The following LRPPRC variants were observed in gnomAD, a reference collection of about 807,000 sequenced individuals.
The protein encoded by LRPPRC is leucine-rich PPR motif-containing protein, mitochondrial.
LRPPRC carries 120 observed loss-of-function variants against 180.3 expected under a neutral mutation model. The ratio of observed to expected loss-of-function variants is 0.67; its 90% CI spans 0.57 to 0.77. The LOEUF (loss-of-function observed/expected upper bound fraction) is 0.77, where lower values mean the gene tolerates loss of function less well. Among genes scored for constraint, LRPPRC ranks in the 30% least tolerant of loss-of-function variants. LRPPRC has a pLI of 0.00. For synonymous variants in LRPPRC, 723 were observed against 600.0 expected (o/e 1.21, Z -3.00); for missense variants, 2,012 against 1,657.2 (o/e 1.21, Z -3.72).
intron 1 of LRPPRC, among the ~76,000 whole-genome samples, chr2:43,987,850 G>A (rs1674596436): frequency 6.6e-6 from 1 of 151,962 alleles, no homozygotes; most frequent in African/African-American, 2.4e-5. Context: ...TTTACTGAGT[G>A]CTTTCTATGT....
At chr2:43,909,611 T>TTAATAA (rs10542740) in intron 30 of LRPPRC, among the ~76,000 whole-genome samples, 1,673 of 143,702 alleles carry the variant, frequency 0.012, 21 homozygotes, top group African/African-American at 0.032. Flanking sequence ...AAAAACCCAA[T>TTAATAA]TAATAATAAT....
chr2:43,965,908 T>C (rs968826274), intron 11 of LRPPRC, among the ~76,000 whole-genome samples: 3 of 152,172 alleles, frequency 2.0e-5, no homozygotes, highest in Admixed American at 1.3e-4. Flanking sequence ...TGGTCTACTG[T>C]TGGTGGGAGA....
chr2:43,947,986 G>A, intron 18 of LRPPRC, 136 bp downstream of exon 18: 3 of 683,484 alleles, frequency 4.4e-6, no homozygotes, highest in Non-Finnish European at 7.8e-6. Flanking sequence ...AACAATCAAT[G>A]AAAAGCTTCG....
rs1475307905 is a variant in LRPPRC at position 43,886,963 on chromosome 2, AAC to A, written c.*1635_*1636del. 1 of 151,982 alleles carries A rather than the reference AAC, an allele frequency of 6.6e-6. No homozygotes were observed. Among genetic ancestry groups the A allele is most frequent in the Non-Finnish European group, 1.5e-5 (1 of 68,026 alleles). 9.4% of individuals were successfully genotyped at this position (151,982 alleles called of 1,614,324 possible). On this transcript the variant is annotated 3_prime_UTR_variant, in exon 38 of 38. Transcript: ENST00000260665. The stretch of plus-strand genomic sequence containing the variant: ...CCAGGAGTTCGAGACCAACCTGGCC[AAC>A]ATGGTGAAACTCCGTCTTTACCATA...
Position 43,909,935 on chromosome 2 carries a change from T to C in LRPPRC, c.3275+2497A>G, listed in dbSNP as rs575401734. Reference sequence around the variant, plus strand: ...TTCAACCTTGGTAGATCAAGATCCATGGGAGGATTATAGTAAGAAATGATG... The same window carrying C: ...TTCAACCTTGGTAGATCAAGATCCACGGGAGGATTATAGTAAGAAATGATG... On this transcript the variant is annotated intron_variant, in intron 30 of 37. Coordinates refer to ENST00000260665, the MANE Select transcript of LRPPRC (RefSeq NM_133259.4). Among the ~76,000 whole-genome samples the C allele has an allele frequency of 3.7e-4, 56 of 152,248 alleles. No homozygotes were observed. In the South Asian group the frequency reaches 0.01, roughly 28 times the overall value.
intron 32 of LRPPRC, 50 bp from the exon 33 acceptor site, chr2:43,899,655 T>G (rs1670817041): frequency 7.9e-7 from 1 of 1,258,466 alleles, no homozygotes. Context: ...ATGTTAATAT[T>G]ACAGGCAGTT....
At chr2:43,893,558 T>C (rs559957694) in intron 36 of LRPPRC, among the ~76,000 whole-genome samples, 5 of 152,336 alleles carry the variant, frequency 3.3e-5, no homozygotes, top group African/African-American at 1.2e-4. Flanking sequence ...TATCTTAAAA[T>C]TAAGGTATGT....
chr2:43,912,892 T>C (rs1245730836), intron 29 of LRPPRC, among the ~76,000 whole-genome samples: 8 of 152,184 alleles, frequency 5.3e-5, no homozygotes, highest in Non-Finnish European at 1.2e-4. Context: ...GAAAAGACGA[T>C]ACTAGTTTCA....
At chr2:43,917,934 A>G (rs1373144979) in intron 29 of LRPPRC, 91 bp downstream of exon 29, 13 of 837,102 alleles carry the variant, frequency 1.6e-5, no homozygotes, top group Non-Finnish European at 2.4e-5. Flanking sequence ...TCTATCCTAG[A>G]GCACTTCTAA....
intron 30 of LRPPRC, among the ~76,000 whole-genome samples, chr2:43,909,493 A>G (rs1429541612): frequency 2.0e-5 from 3 of 152,184 alleles, no homozygotes; most frequent in East Asian, 1.9e-4. Flanking sequence ...GTTATGGAAC[A>G]TAAGTAAGTT....
intron 11 of LRPPRC, 85 bp from the exon 12 acceptor site, chr2:43,963,791 T>A: frequency 2.5e-6 from 2 of 814,836 alleles, no homozygotes; most frequent in Non-Finnish European, 4.3e-6. Context: ...AATTATTTTC[T>A]GAATCACAGT....
rs905858108 is a variant in LRPPRC at position 43,947,155 on chromosome 2, T to C, written c.2079+102A>G. On this transcript the variant is annotated intron_variant, in intron 20 of 37. Coordinates refer to ENST00000260665, the MANE Select transcript of LRPPRC (RefSeq NM_133259.4). ...TTGCATTCTTTACAAGCCTGACATA[T>C]AACGATCAATTGTAAAAATCATAAA... 44 of 627,626 alleles carry C rather than the reference T, an allele frequency of 7.0e-5. No individual in the cohort carries two copies. In the African/African-American group the frequency reaches 7.2e-4, roughly 10 times the overall value. 38.9% of individuals were successfully genotyped at this position (627,626 alleles called of 1,614,324 possible).
chr2:43,899,254 C>A lies in LRPPRC; in HGVS notation c.3790G>T (p.Ala1264Ser), dbSNP rs1322839309. The change falls in exon 34 of 38, where the codon GCA (alanine) becomes TCA (serine). Residue 1264 changes from alanine to serine, a missense_variant. Coordinates refer to ENST00000260665, the MANE Select transcript of LRPPRC (RefSeq NM_133259.4). ...GCTCTGGCATCATCCACCTTGCCTG[C>A]ATCCACAAGTTGAAGGAAAAAATCA... ...VTDFFLQLVD[A>S]GKVDDARALL... 5 of 1,614,088 alleles carry A rather than the reference C, an allele frequency of 3.1e-6. No individual in the cohort carries two copies. The highest frequency in any genetic ancestry group is 1.7e-6 in the Non-Finnish European group (2 of 1,179,952).
chr2:43,994,328 G>A (rs1001565632), intron 1 of LRPPRC, among the ~76,000 whole-genome samples: 3 of 152,160 alleles, frequency 2.0e-5, no homozygotes, highest in African/African-American at 4.8e-5. Context: ...TTTCCTCCAC[G>A]TAATTTTATG....
In LRPPRC at chr2:43,979,871, T is replaced by C; in HGVS notation, c.424A>G (p.Arg142Gly). Residue 142 changes from arginine (R) to glycine (G), a missense_variant, in exon 3 of 38, where the codon AGA becomes GGA. By Grantham distance (125) the Arg-to-Gly change is moderately radical. Coordinates refer to ENST00000260665, the MANE Select transcript of LRPPRC (RefSeq NM_133259.4). ...CATATCCTATGAGCAAATTCTGTTC[T>C]CTCTTCAAGCTTTAGTTCAGGCAAG... ...SLLPELKLEE[R>G]TEFAHRIWDT... 1 of 1,613,564 alleles carries C rather than the reference T, an allele frequency of 6.2e-7. No individual in the cohort carries two copies. The highest frequency in any genetic ancestry group is 8.5e-7 in the Non-Finnish European group (1 of 1,179,524).
At chr2:43,917,582 G>T (rs1006988507) in intron 29 of LRPPRC, among the ~76,000 whole-genome samples, 30 of 152,036 alleles carry the variant, frequency 2.0e-4, no homozygotes, top group Non-Finnish European at 4.3e-4. Flanking sequence ...GAGGTCAGGA[G>T]ATCGAAACCA....
At chr2:43,973,997 A>T in intron 9 of LRPPRC, 97 bp from the exon 10 acceptor site, 1 of 1,107,440 alleles carries the variant, frequency 9.0e-7, no homozygotes. Flanking sequence ...AGCATTTTAA[A>T]CCCCGCATCC....
intron 29 of LRPPRC, among the ~76,000 whole-genome samples, chr2:43,913,394 G>A (rs912421834): frequency 1.1e-4 from 16 of 152,120 alleles, no homozygotes; most frequent in African/African-American, 3.9e-4. Flanking sequence ...GGCCTTCTAC[G>A]AATATAGGGC....
At chr2:43,895,146 C>A (rs1670635058) in intron 35 of LRPPRC, among the ~76,000 whole-genome samples, 1 of 152,150 alleles carries the variant, frequency 6.6e-6, no homozygotes, top group Non-Finnish European at 1.5e-5. Context: ...GAATACAGAA[C>A]TGCTATGCCG....
Sources: allele counts gnomAD v4.1 joint callset (sites outside exome capture counted in the v4.1 genomes callset), GRCh38; gene constraint gnomAD v4.1.1; transcripts MANE v1.5; gene names NCBI Gene and HGNC (gene_info 2026-07-23, HGNC 2026-07-21).